ZNF277: variants seen among roughly 807,000 people sequenced by gnomAD.
ZNF277 encodes the protein nuclear receptor-interacting factor 4.
ZNF277 carries 55 observed loss-of-function variants against 60.7 expected under a neutral mutation model. The ratio of observed to expected loss-of-function variants is 0.91; its 90% CI spans 0.73 to 1.13. ZNF277 has a LOEUF of 1.13. ZNF277 is among the 50% of genes most tolerant of loss of function. The probability of loss-of-function intolerance (pLI) is 0.00; values close to 1 mark genes in which losing one functional copy is unlikely to be tolerated. For missense variants in ZNF277, 510 were observed against 523.0 expected (o/e 0.98, Z 0.24); for synonymous variants, 178 against 179.3 (o/e 0.99, Z 0.06).
intron 1 of ZNF277, among the ~76,000 whole-genome samples, chr7:112,221,660 A>C (rs1218836874): frequency 1.3e-5 from 2 of 152,204 alleles, no homozygotes; most frequent in Non-Finnish European, 2.9e-5. Flanking sequence ...CAGGCGTTAG[A>C]TTCTCATAAG....
intron 1 of ZNF277, among the ~76,000 whole-genome samples, chr7:112,220,680 G>A (rs1822003736): frequency 6.6e-6 from 1 of 152,124 alleles, no homozygotes; most frequent in Non-Finnish European, 1.5e-5. Context: ...TTCCTAGGCC[G>A]ACTAAGAATC....
At chr7:112,294,430 G>A (rs538961245) in intron 2 of ZNF277, among the ~76,000 whole-genome samples, 5 of 152,052 alleles carry the variant, frequency 3.3e-5, no homozygotes, top group South Asian at 4.1e-4. Context: ...CAAGGAGTAG[G>A]GTGCATCATT....
chr7:112,228,423 GA>G (rs1048511856), intron 1 of ZNF277, among the ~76,000 whole-genome samples: 56 of 137,902 alleles, frequency 4.1e-4, no homozygotes, highest in African/African-American at 1.3e-3. Context: ...GTGCACAGGT[GA>G]ATGCATGTTC....
At chr7:112,323,846 A>G (rs937033259) in intron 5 of ZNF277, among the ~76,000 whole-genome samples, 1 of 152,224 alleles carries the variant, frequency 6.6e-6, no homozygotes, top group African/African-American at 2.4e-5. Context: ...GTTTGCCCAA[A>G]TCACATTTAT....
Position 112,318,286 on chromosome 7 carries a change from G to A in ZNF277, c.557+13G>A, listed in dbSNP as rs769455119. The A allele has an allele frequency of 1.2e-6, 2 of 1,604,994 alleles. No homozygotes were observed. The highest frequency in any genetic ancestry group is 4.5e-5 in the East Asian group (2 of 44,804). Reference sequence around the variant, plus strand: ...TCCTTGGAAACAGGTTTGCCATTTTGCATCTTTAAATGTTACTGTTTTTAA... The same window carrying A: ...TCCTTGGAAACAGGTTTGCCATTTTACATCTTTAAATGTTACTGTTTTTAA... On this transcript the variant is annotated intron_variant, in intron 5 of 11. Coordinates refer to ENST00000361822, the MANE Select transcript of ZNF277 (RefSeq NM_021994.3).
intron 1 of ZNF277, among the ~76,000 whole-genome samples, chr7:112,220,969 C>T (rs1299625244): frequency 2.0e-5 from 3 of 152,274 alleles, no homozygotes; most frequent in Non-Finnish European, 4.4e-5. Context: ...AACCTTCCAA[C>T]TGCACACTCT....
In ZNF277 at chr7:112,337,918, C is replaced by T; in HGVS notation, c.966+92C>T. On this transcript the variant is annotated intron_variant, in intron 9 of 11. Transcript: ENST00000361822. The stretch of plus-strand genomic sequence containing the variant: ...CCTCATCTGCTTTTACTTCAGTTTC[C>T]CAATCATTATTCCAACCAGAAGAGA... 2.8e-6 allele frequency: 3 copies of T among 1,065,102 alleles called. No homozygotes were observed. In the South Asian group the frequency reaches 4.3e-5, roughly 15 times the overall value. 66.0% of individuals were successfully genotyped at this position (1,065,102 alleles called of 1,614,324 possible). A position where few individuals can be genotyped will look rare whatever the true frequency, so the allele number is the denominator to read the frequency against.
At chr7:112,321,243 T>C (rs2117116875) in intron 5 of ZNF277, among the ~76,000 whole-genome samples, 1 of 152,002 alleles carries the variant, frequency 6.6e-6, no homozygotes, top group South Asian at 2.1e-4. Context: ...ATACCATAGA[T>C]TTTGAACTCT....
At chr7:112,308,162 T>C (rs1792642490) in intron 4 of ZNF277, among the ~76,000 whole-genome samples, 1 of 152,054 alleles carries the variant, frequency 6.6e-6, no homozygotes, top group African/African-American at 2.4e-5. Context: ...AGTTTTCTGA[T>C]ACCCACCCAA....
At chr7:112,314,581 C>T (rs967997586) in intron 4 of ZNF277, among the ~76,000 whole-genome samples, 1 of 152,038 alleles carries the variant, frequency 6.6e-6, no homozygotes, top group South Asian at 2.1e-4. Flanking sequence ...ATCACTTGAC[C>T]GCAGGAGTTC....
intron 11 of ZNF277, among the ~76,000 whole-genome samples, chr7:112,342,298 ACAACTCCAGAGG>A (rs1183667655): frequency 6.6e-6 from 1 of 152,162 alleles, no homozygotes; most frequent in Non-Finnish European, 1.5e-5. Context: ...TGGCCAGCGG[ACAACTCCAGAGG>A]CAACTCTGGA....
At chr7:112,228,832 G>C (rs1232924595) in intron 1 of ZNF277, among the ~76,000 whole-genome samples, 1 of 152,116 alleles carries the variant, frequency 6.6e-6, no homozygotes, top group African/African-American at 2.4e-5. Context: ...CATTGAACTT[G>C]TGGACAAAAG....
chr7:112,246,468 A>C (rs1791088566), intron 1 of ZNF277, among the ~76,000 whole-genome samples: 1 of 152,186 alleles, frequency 6.6e-6, no homozygotes, highest in Non-Finnish European at 1.5e-5. Flanking sequence ...CTTAATAGGA[A>C]ATTTGATATT....
intron 5 of ZNF277, among the ~76,000 whole-genome samples, chr7:112,318,829 C>T (rs1792908799): frequency 6.6e-6 from 1 of 152,000 alleles, no homozygotes; most frequent in Admixed American, 6.6e-5. Context: ...CCCAGGGCTA[C>T]CCAAAGTTTT....
At chr7:112,237,202 A>G (rs1255970206) in intron 1 of ZNF277, among the ~76,000 whole-genome samples, 2 of 152,204 alleles carry the variant, frequency 1.3e-5, no homozygotes, top group Non-Finnish European at 2.9e-5. Flanking sequence ...ACAACATACC[A>G]AAACCTCTGG....
At chr7:112,244,851 G>T (rs909406285) in intron 1 of ZNF277, among the ~76,000 whole-genome samples, 2 of 151,996 alleles carry the variant, frequency 1.3e-5, no homozygotes, top group African/African-American at 4.8e-5. Context: ...TAATTTAGTA[G>T]TTTAAAGCCT....
At chr7:112,237,304 C>T (rs980310607) in intron 1 of ZNF277, among the ~76,000 whole-genome samples, 5 of 151,944 alleles carry the variant, frequency 3.3e-5, no homozygotes, top group Non-Finnish European at 4.4e-5. Flanking sequence ...TAATGTTGCA[C>T]TTAAAGGAAC....
intron 1 of ZNF277, among the ~76,000 whole-genome samples, chr7:112,262,954 T>A (rs1429799490): frequency 6.6e-6 from 1 of 152,222 alleles, no homozygotes; most frequent in Non-Finnish European, 1.5e-5. Flanking sequence ...GGTTTCTCCA[T>A]CGTAATCCAA....
intron 1 of ZNF277, among the ~76,000 whole-genome samples, chr7:112,277,864 G>A (rs569821183): frequency 1.3e-5 from 2 of 152,152 alleles, no homozygotes; most frequent in African/African-American, 4.8e-5. Context: ...TCTCTTTTAG[G>A]CACCAAATAC....
Sources: gnomAD v4.1 joint callset for allele counts (sites outside exome capture counted in the v4.1 genomes callset) on GRCh38, gnomAD v4.1.1 for gene constraint, MANE v1.5 for transcripts, NCBI Gene and HGNC (gene_info 2026-07-23, HGNC 2026-07-21) for gene names.